TAOK1: variants seen among roughly 807,000 people sequenced by gnomAD.
The protein encoded by TAOK1 is serine/threonine-protein kinase TAO1.
In TAOK1, 21 loss-of-function variants were observed where a neutral mutation model predicts 138.3. That is an observed-to-expected ratio of 0.15 (90% CI 0.11 to 0.22). The LOEUF (loss-of-function observed/expected upper bound fraction) is 0.22, where lower values mean the gene tolerates loss of function less well. TAOK1 is among the 10% of genes least tolerant of loss of function. The probability of loss-of-function intolerance (pLI) is 1.00; values close to 1 mark genes in which losing one functional copy is unlikely to be tolerated. For missense variants in TAOK1, 651 were observed against 1,227.7 expected (o/e 0.53, Z 7.02); for synonymous variants, 361 against 398.4 (o/e 0.91, Z 1.12).
In TAOK1 at chr17:29,517,437, T is replaced by G; in HGVS notation, c.1705-16T>G. ...GCCAGGCCTATTTTTACCTGAGTTG[T>G]TTTTTATGTTGCCAGGAGCTAAATG... On this transcript the variant is annotated splice_polypyrimidine_tract_variant and intron_variant, in intron 15 of 19. Transcript: ENST00000261716. 1 of 1,611,552 alleles carries G rather than the reference T, an allele frequency of 6.2e-7. No individual in the cohort carries two copies. Among genetic ancestry groups the G allele is most frequent in the Non-Finnish European group, 8.5e-7 (1 of 1,179,446 alleles).
At chr17:29,485,412 G>T (rs998779252) in intron 8 of TAOK1, among the ~76,000 whole-genome samples, 1 of 151,812 alleles carries the variant, frequency 6.6e-6, no homozygotes, top group African/African-American at 2.4e-5. Flanking sequence ...CAAGGCGGAA[G>T]AATTGCTTAA....
At chr17:29,521,088 T>C (rs1380876850) in intron 16 of TAOK1, among the ~76,000 whole-genome samples, 2 of 152,130 alleles carry the variant, frequency 1.3e-5, no homozygotes, top group African/African-American at 4.8e-5. Flanking sequence ...TATTATTAAA[T>C]GAAGAAAGCC....
chr17:29,483,957 A>G (rs2031116733), intron 8 of TAOK1, among the ~76,000 whole-genome samples: 1 of 152,196 alleles, frequency 6.6e-6, no homozygotes, highest in Admixed American at 6.5e-5. Context: ...TACATTCTTA[A>G]TGCTGGCCGA....
intron 8 of TAOK1, among the ~76,000 whole-genome samples, chr17:29,488,576 A>AAATAATAATAAT (rs150004739): frequency 0.028 from 4,143 of 145,440 alleles, 68 homozygotes; most frequent in Middle Eastern, 0.073. Context: ...ACATCTCAAA[A>AAATAATAATAAT]AATAATAATA....
intron 1 of TAOK1, among the ~76,000 whole-genome samples, chr17:29,397,623 T>TAG (rs143233799): frequency 1.5e-5 from 1 of 64,616 alleles, no homozygotes; most frequent in Non-Finnish European, 3.0e-5. Context: ...AATATATATA[T>TAG]ATATATACAT....
chr17:29,516,769 G>A (rs948595018), intron 15 of TAOK1, among the ~76,000 whole-genome samples: 5 of 152,088 alleles, frequency 3.3e-5, no homozygotes, highest in Non-Finnish European at 5.9e-5. Context: ...CCAAAGTGCT[G>A]AGATTATAGG....
intron 14 of TAOK1, 132 bp from the exon 15 acceptor site, chr17:29,510,732 C>G (rs987212838): frequency 1.6e-6 from 1 of 615,580 alleles, no homozygotes; most frequent in Admixed American, 4.1e-5. Context: ...TAATTTGGTT[C>G]AGTCTTTTAT....
At chr17:29,414,301 T>A (rs1905216499) in intron 1 of TAOK1, among the ~76,000 whole-genome samples, 1 of 151,770 alleles carries the variant, frequency 6.6e-6, no homozygotes, top group Non-Finnish European at 1.5e-5. Context: ...TAGGCTGGAG[T>A]GCAAGTGGCA....
intron 1 of TAOK1, among the ~76,000 whole-genome samples, chr17:29,402,979 G>C (rs1904891758): frequency 6.6e-6 from 1 of 150,388 alleles, no homozygotes; most frequent in African/African-American, 2.4e-5. Context: ...TCAAGACAGA[G>C]CAAAACTTAG....
At chr17:29,464,703 C>CTG (rs1043905189) in intron 2 of TAOK1, among the ~76,000 whole-genome samples, 2 of 152,110 alleles carry the variant, frequency 1.3e-5, no homozygotes, top group Non-Finnish European at 2.9e-5. Flanking sequence ...GCTAGATCTA[C>CTG]TTCACCCTTT....
intron 2 of TAOK1, among the ~76,000 whole-genome samples, chr17:29,464,849 G>T (rs570212472): frequency 1.4e-5 from 2 of 146,060 alleles, no homozygotes; most frequent in Non-Finnish European, 3.0e-5. Context: ...TTTTGATACA[G>T]GGTCTCTGTT....
Position 29,390,828 on chromosome 17 carries a change from C to CCCCCCCA in TAOK1, c.-284_-278dup. ...TCGACCCCGGTCGTCCCCTCGCCCC[C>CCCCCCCA]CCCCCCACCCCCCGCCGCCGCCGCC... is the stretch of plus-strand genomic sequence containing the variant. On this transcript the variant is annotated 5_prime_UTR_variant, in exon 1 of 20. Coordinates refer to ENST00000261716, the MANE Select transcript of TAOK1 (RefSeq NM_020791.4). The CCCCCCCA allele has an allele frequency of 6.6e-6, 1 of 150,752 alleles. No homozygotes were observed. Among genetic ancestry groups the CCCCCCCA allele is most frequent in the Non-Finnish European group, 1.5e-5 (1 of 67,208 alleles). The allele number at this position is 150,752 out of a possible 1,614,324, so 9.3% of individuals were successfully genotyped here.
intron 1 of TAOK1, among the ~76,000 whole-genome samples, chr17:29,422,465 G>A (rs551331161): frequency 5.3e-5 from 8 of 151,554 alleles, no homozygotes; most frequent in Non-Finnish European, 7.4e-5. Flanking sequence ...TGATCCGCCC[G>A]CCTCAGCCTC....
At chr17:29,394,454 C>T (rs1025625861) in intron 1 of TAOK1, among the ~76,000 whole-genome samples, 3 of 151,998 alleles carry the variant, frequency 2.0e-5, no homozygotes, top group Non-Finnish European at 2.9e-5. Context: ...CTTGAGCCAC[C>T]GTGCCCGGCA....
At chr17:29,522,157 A>G (rs2031932255) in intron 16 of TAOK1, 123 bp from the exon 17 acceptor site, 5 of 1,265,608 alleles carry the variant, frequency 4.0e-6, no homozygotes, top group Non-Finnish European at 3.2e-6. Context: ...CTTATTTACT[A>G]TGCAACTATA....
chr17:29,418,788 A>T (rs183664099), intron 1 of TAOK1, among the ~76,000 whole-genome samples: 24 of 152,252 alleles, frequency 1.6e-4, no homozygotes, highest in Admixed American at 1.4e-3. Flanking sequence ...TTTTTTCTGA[A>T]TATTTTTAAT....
chr17:29,450,560 G>A (rs1043624716), intron 1 of TAOK1, among the ~76,000 whole-genome samples: 1 of 152,172 alleles, frequency 6.6e-6, no homozygotes, highest in Non-Finnish European at 1.5e-5. Context: ...TGCCCAGGCT[G>A]GAGTGCGGTG....
At chr17:29,395,646 CTT>C (rs10591199) in intron 1 of TAOK1, among the ~76,000 whole-genome samples, 2 of 129,760 alleles carry the variant, frequency 1.5e-5, no homozygotes, top group Non-Finnish European at 1.6e-5. Context: ...GGTATGTGTA[CTT>C]TTTTTTTTTT....
At chr17:29,418,245 G>A (rs1905317207) in intron 1 of TAOK1, among the ~76,000 whole-genome samples, 2 of 152,086 alleles carry the variant, frequency 1.3e-5, no homozygotes, top group African/African-American at 2.4e-5. Context: ...GTGCAGTGGT[G>A]TGATTATAGC....
Sources: allele counts gnomAD v4.1 joint callset (sites outside exome capture counted in the v4.1 genomes callset), GRCh38; gene constraint gnomAD v4.1.1; transcripts MANE v1.5; gene names NCBI Gene and HGNC (gene_info 2026-07-23, HGNC 2026-07-21).